KIF6: variants seen among roughly 807,000 people sequenced by gnomAD.
The protein encoded by KIF6 is kinesin family member 6.
Under a neutral mutation model 112.7 loss-of-function variants are expected in KIF6, and 106 were observed. That is an observed-to-expected ratio of 0.94 (90% CI 0.80 to 1.11). The LOEUF (loss-of-function observed/expected upper bound fraction) is 1.11. KIF6 is among the 50% of genes least tolerant of loss of function. KIF6 has a pLI of 0.00. For synonymous variants in KIF6, 339 were observed against 339.9 expected, an observed-to-expected ratio of 1.00 and a Z score of 0.03; for missense variants, 929 against 964.0, an observed-to-expected ratio of 0.96 and a Z score of 0.48.
intron 16 of KIF6, among the ~76,000 whole-genome samples, chr6:39,368,168 T>G (rs1455266607): frequency 5.9e-5 from 9 of 151,928 alleles, no homozygotes; most frequent in African/African-American, 2.2e-4. Flanking sequence ...GCTTCAGGGG[T>G]TTGCAACCAG....
chr6:39,372,723 A>G (rs1473216124), intron 16 of KIF6, among the ~76,000 whole-genome samples: 2 of 152,214 alleles, frequency 1.3e-5, no homozygotes, highest in Non-Finnish European at 2.9e-5. Context: ...TGGTAGAAGC[A>G]TCCTTCACAA....
chr6:39,629,755 T>C (rs1244190338), intron 5 of KIF6, among the ~76,000 whole-genome samples: 1 of 152,014 alleles, frequency 6.6e-6, no homozygotes, highest in Non-Finnish European at 1.5e-5. Flanking sequence ...TAAAAACTCA[T>C]TGGCAAACCC....
chr6:39,542,514 G>T (rs973961547), intron 12 of KIF6, among the ~76,000 whole-genome samples: 1 of 152,196 alleles, frequency 6.6e-6, no homozygotes, highest in Non-Finnish European at 1.5e-5. Context: ...TTTCCTGGAA[G>T]CCATATCTTT....
intron 13 of KIF6, among the ~76,000 whole-genome samples, chr6:39,477,716 C>T (rs4461720): frequency 0.061 from 9,282 of 151,960 alleles, 499 homozygotes; most frequent in East Asian, 0.25. Context: ...CAAAAATTAG[C>T]GGGGCGTGGT....
intron 3 of KIF6, among the ~76,000 whole-genome samples, chr6:39,647,145 A>C (rs1785207726): frequency 6.6e-6 from 1 of 152,242 alleles, no homozygotes; most frequent in African/African-American, 2.4e-5. Context: ...ATATAAAAAT[A>C]ATCTTCTCAT....
At chr6:39,363,178 A>G (rs1765298097) in intron 16 of KIF6, among the ~76,000 whole-genome samples, 1 of 152,136 alleles carries the variant, frequency 6.6e-6, no homozygotes, top group South Asian at 2.1e-4. Context: ...AAACAGATAA[A>G]CAAAAACAAA....
Position 39,570,178 on chromosome 6 carries a change from C to T in KIF6, c.1181+7878G>A, listed in dbSNP as rs189618254. Among the ~76,000 whole-genome samples, 693 of 152,022 alleles carry T rather than the reference C, an allele frequency of 4.6e-3. 1 individual carries two copies. Among genetic ancestry groups the T allele is most frequent in the Middle Eastern group, 0.01 (3 of 294 alleles). ...TATAATTACTTTTTAAAAGAAATGC[C>T]CCAAACCGATTGGACTTGGAGTATG... is the stretch of plus-strand genomic sequence containing the variant. On this transcript the variant is annotated intron_variant, in intron 10 of 22. Transcript: ENST00000287152.
intron 16 of KIF6, among the ~76,000 whole-genome samples, chr6:39,369,446 T>C (rs1765804526): frequency 6.6e-6 from 1 of 152,166 alleles, no homozygotes; most frequent in African/African-American, 2.4e-5. Flanking sequence ...TGTGAGAAGA[T>C]AAATGGCTGT....
chr6:39,583,811 C>T (rs1781444310), intron 9 of KIF6, among the ~76,000 whole-genome samples: 1 of 145,380 alleles, frequency 6.9e-6, no homozygotes, highest in South Asian at 2.2e-4. Flanking sequence ...GAATTTGATA[C>T]AATTGAGATA....
intron 2 of KIF6, among the ~76,000 whole-genome samples, chr6:39,717,602 C>T (rs1005805202): frequency 2.0e-5 from 3 of 152,038 alleles, no homozygotes; most frequent in Admixed American, 1.3e-4. Context: ...CACCTTCTGA[C>T]GTACATTTTG....
At chr6:39,590,794 T>C (rs1781908683) in intron 7 of KIF6, among the ~76,000 whole-genome samples, 1 of 152,180 alleles carries the variant, frequency 6.6e-6, no homozygotes, top group Non-Finnish European at 1.5e-5. Context: ...AACTTGCTTT[T>C]GGTTGCAAGA....
chr6:39,671,224 G>T (rs1323607177), intron 3 of KIF6, among the ~76,000 whole-genome samples: 1 of 152,202 alleles, frequency 6.6e-6, no homozygotes, highest in African/African-American at 2.4e-5. Context: ...CTAAGGAAAT[G>T]TGCTTTAAGC....
intron 3 of KIF6, among the ~76,000 whole-genome samples, chr6:39,701,448 T>C (rs1294901050): frequency 6.6e-6 from 1 of 152,224 alleles, no homozygotes; most frequent in African/African-American, 2.4e-5. Flanking sequence ...GATGCTGCTC[T>C]GTGCCCGAGC....
intron 3 of KIF6, among the ~76,000 whole-genome samples, chr6:39,641,710 A>G (rs1351184452): frequency 6.6e-6 from 1 of 152,066 alleles, no homozygotes; most frequent in Non-Finnish European, 1.5e-5. Context: ...GCACAAATTA[A>G]TATTTTCATT....
intron 13 of KIF6, among the ~76,000 whole-genome samples, chr6:39,516,315 G>A (rs947115300): frequency 2.0e-5 from 3 of 149,204 alleles, no homozygotes; most frequent in African/African-American, 7.4e-5. Flanking sequence ...TATATAAAGA[G>A]GAAACTATAC....
chr6:39,355,783 CTTT>C (rs35824483), intron 19 of KIF6, among the ~76,000 whole-genome samples: 81 of 145,114 alleles, frequency 5.6e-4, no homozygotes, highest in Non-Finnish European at 1.0e-3. Flanking sequence ...TTTAAGAATA[CTTT>C]TTTTTTTTTT....
chr6:39,569,009 T>C (rs1289750531), intron 10 of KIF6, among the ~76,000 whole-genome samples: 1 of 152,172 alleles, frequency 6.6e-6, no homozygotes, highest in Non-Finnish European at 1.5e-5. Context: ...ACTTCTCATC[T>C]TTGAGGTTCA....
intron 5 of KIF6, among the ~76,000 whole-genome samples, chr6:39,618,867 C>T (rs750482934): frequency 1.6e-4 from 24 of 152,176 alleles, no homozygotes; most frequent in Non-Finnish European, 3.2e-4. Flanking sequence ...TCCTTTGAGA[C>T]GGTCTACCTT....
chr6:39,540,775 A>T (rs1483257141), intron 12 of KIF6, among the ~76,000 whole-genome samples: 1 of 152,262 alleles, frequency 6.6e-6, no homozygotes, highest in Non-Finnish European at 1.5e-5. Flanking sequence ...GTTCACTCAG[A>T]TGGGGGCTTT....
Sources: gnomAD v4.1 joint callset for allele counts (sites outside exome capture counted in the v4.1 genomes callset) on GRCh38, gnomAD v4.1.1 for gene constraint, MANE v1.5 for transcripts, NCBI Gene and HGNC (gene_info 2026-07-23, HGNC 2026-07-21) for gene names.